Variants in FAM47E observed in about 807,000 individuals in gnomAD.
The protein encoded by FAM47E is family with sequence similarity 47 member E.
In FAM47E, 32 loss-of-function variants were observed where a neutral mutation model predicts 41.6. The observed-to-expected ratio is 0.77, with a 90% CI of 0.58 to 1.03. The LOEUF is 1.03. FAM47E is among the 50% of genes least tolerant of loss of function. The pLI is 0.00. For missense variants in FAM47E, 424 were observed against 485.4 expected (o/e 0.87, Z 1.19); for synonymous variants, 184 against 188.7 (o/e 0.98, Z 0.20).
At chr4:76,231,227 G>C (rs1416557663) in intron 2 of FAM47E, among the ~76,000 whole-genome samples, 1 of 152,146 alleles carries the variant, frequency 6.6e-6, no homozygotes, top group Non-Finnish European at 1.5e-5. Flanking sequence ...AGCTCCCTTG[G>C]TCTTATTTTC....
chr4:76,251,724 G>C lies in FAM47E; in HGVS notation c.-23G>C. 1 of 1,469,432 alleles carries C rather than the reference G, an allele frequency of 6.8e-7. No individual in the cohort carries two copies. Among genetic ancestry groups the C allele is most frequent in the Non-Finnish European group, 9.0e-7 (1 of 1,116,990 alleles). 91.0% of individuals were successfully genotyped at this position (1,469,432 alleles called of 1,614,324 possible). A position where few individuals can be genotyped will look rare whatever the true frequency, so the allele number is the denominator to read the frequency against. On this transcript the variant is annotated 5_prime_UTR_variant, in exon 1 of 8. Coordinates refer to ENST00000424749, the MANE Select transcript of FAM47E (RefSeq NM_001136570.3). Reference sequence around the variant, plus strand: ...CACACACACCGCCCAAGCCCGGACGGTGGCCGCGAAGCTAGGGCCACCATG... The same window carrying C: ...CACACACACCGCCCAAGCCCGGACGCTGGCCGCGAAGCTAGGGCCACCATG...
At chr4:76,242,668 G>A (rs987186272) in intron 2 of FAM47E, among the ~76,000 whole-genome samples, 1 of 152,160 alleles carries the variant, frequency 6.6e-6, no homozygotes, top group African/African-American at 2.4e-5. Flanking sequence ...TTGAAATGTG[G>A]CTTGTCAGAA....
intron 5 of FAM47E, among the ~76,000 whole-genome samples, chr4:76,277,233 T>C (rs765528652): frequency 1.2e-4 from 19 of 152,098 alleles, no homozygotes; most frequent in Non-Finnish European, 2.4e-4. Context: ...GCCTGTAATC[T>C]TAGCACTTTG....
At chr4:76,222,001 T>C (rs1472658223) in intron 2 of FAM47E, among the ~76,000 whole-genome samples, 1 of 152,250 alleles carries the variant, frequency 6.6e-6, no homozygotes, top group East Asian at 1.9e-4. Flanking sequence ...GTGACTACCA[T>C]GAAGGGATCC....
intron 1 of FAM47E, among the ~76,000 whole-genome samples, chr4:76,216,203 T>C (rs1733204632): frequency 6.6e-6 from 1 of 152,228 alleles, no homozygotes; most frequent in African/African-American, 2.4e-5. Flanking sequence ...AACTCTGCTC[T>C]GTGCCCCAGT....
At chr4:76,277,967 T>C in intron 5 of FAM47E, 102 bp from the exon 6 acceptor site, 1 of 1,325,348 alleles carries the variant, frequency 7.5e-7, no homozygotes, top group Non-Finnish European at 9.7e-7. Context: ...CCAACCTAAA[T>C]TCCAAAGTAA....
At chr4:76,251,062 G>A (rs1451300639), upstream of FAM47E, among the ~76,000 whole-genome samples, 4 of 152,080 alleles carry the variant, frequency 2.6e-5, no homozygotes, top group African/African-American at 9.7e-5. Context: ...ATTTAAATCA[G>A]AAACACTCAG....
chr4:76,219,707 C>A (rs985582014), intron 2 of FAM47E, among the ~76,000 whole-genome samples: 1 of 151,796 alleles, frequency 6.6e-6, no homozygotes, highest in African/African-American at 2.4e-5. Context: ...AGATATTTGG[C>A]CAGAGATAGG....
At chr4:76,226,800 T>G (rs1733406053) in intron 2 of FAM47E, among the ~76,000 whole-genome samples, 1 of 152,174 alleles carries the variant, frequency 6.6e-6, no homozygotes, top group Non-Finnish European at 1.5e-5. Flanking sequence ...GATTTTCTAG[T>G]TTGTGTGAAT....
chr4:76,259,160 C>T (rs1734303941), intron 2 of FAM47E, among the ~76,000 whole-genome samples: 1 of 152,160 alleles, frequency 6.6e-6, no homozygotes, highest in African/African-American at 2.4e-5. Flanking sequence ...CAATTGTGTA[C>T]AATTTATGCC....
intron 3 of FAM47E, 119 bp downstream of exon 3, chr4:76,263,962 C>T (rs1424909647): frequency 1.4e-6 from 2 of 1,414,114 alleles, no homozygotes; most frequent in Non-Finnish European, 1.9e-6. Context: ...TAACTAAGTT[C>T]CCAAGGAAGA....
chr4:76,264,786 A>G (rs937611781), intron 3 of FAM47E, among the ~76,000 whole-genome samples: 5 of 152,100 alleles, frequency 3.3e-5, no homozygotes, highest in African/African-American at 1.2e-4. Flanking sequence ...GGTAGAGGCA[A>G]AGTTTCGCCA....
Position 76,271,640 on chromosome 4 carries a change from G to A in FAM47E, c.742G>A (p.Asp248Asn). ...DIDYETKPSH[D>N]ALHTMKLNQV... ...TGACTATGAGACCAAACCAAGCCAT[G>A]ATGCGCTCCACACGATGAAGCTAAA... The change falls in exon 5 of 8, where the codon GAT becomes AAT. Residue 248 changes from aspartate to asparagine, a missense_variant. Physicochemically the swap from Asp to Asn is conservative, Grantham distance 23. Coordinates refer to ENST00000424749, the MANE Select transcript of FAM47E (RefSeq NM_001136570.3). 1 of 1,552,230 alleles carries A rather than the reference G, an allele frequency of 6.4e-7. No homozygotes were observed. Among genetic ancestry groups the A allele is most frequent in the Non-Finnish European group, 8.7e-7 (1 of 1,147,120 alleles).
At chr4:76,216,259 A>G (rs1733205387) in intron 1 of FAM47E, among the ~76,000 whole-genome samples, 1 of 151,986 alleles carries the variant, frequency 6.6e-6, no homozygotes, top group African/African-American at 2.4e-5. Flanking sequence ...CATGTCCCCT[A>G]CCTAGGCATT....
At chr4:76,216,708 G>A (rs145041843) in intron 1 of FAM47E, among the ~76,000 whole-genome samples, 87 of 152,288 alleles carry the variant, frequency 5.7e-4, no homozygotes, top group Non-Finnish European at 1.1e-3. Flanking sequence ...TATGTCAGGC[G>A]GTTAGTAAGC....
intron 2 of FAM47E, among the ~76,000 whole-genome samples, chr4:76,224,709 C>T (rs898262964): frequency 3.3e-5 from 5 of 152,092 alleles, no homozygotes; most frequent in African/African-American, 9.7e-5. Context: ...ACTACAGATG[C>T]AAGCCACTAG....
intron 1 of FAM47E, among the ~76,000 whole-genome samples, chr4:76,254,341 A>G (rs1051740928): frequency 1.4e-4 from 22 of 152,122 alleles, no homozygotes; most frequent in African/African-American, 5.3e-4. Context: ...AAATGTGCAT[A>G]TAATGAACTT....
upstream of FAM47E, among the ~76,000 whole-genome samples, chr4:76,248,456 A>G (rs1342151687): frequency 2.6e-5 from 4 of 152,004 alleles, no homozygotes; most frequent in African/African-American, 9.7e-5. Context: ...TAAGGGCCCA[A>G]CTTCATTATT....
At chr4:76,241,736 CT>C (rs1172565205) in intron 2 of FAM47E, among the ~76,000 whole-genome samples, 3 of 152,186 alleles carry the variant, frequency 2.0e-5, no homozygotes, top group Non-Finnish European at 4.4e-5. Context: ...GCTTTCTACT[CT>C]GCCATCTTCC....
Sources: allele counts gnomAD v4.1 joint callset (sites outside exome capture counted in the v4.1 genomes callset), GRCh38; gene constraint gnomAD v4.1.1; transcripts MANE v1.5; gene names NCBI Gene and HGNC (gene_info 2026-07-23, HGNC 2026-07-21).